SYNE3: variants seen among roughly 807,000 people sequenced by gnomAD.
The protein encoded by SYNE3 is nesprin-3.
Under a neutral mutation model 111.2 loss-of-function variants are expected in SYNE3, and 100 were observed. The observed-to-expected ratio is 0.90, with a 90% CI of 0.77 to 1.06. The LOEUF is 1.06. Ranked by LOEUF, SYNE3 falls within the 50% of genes least tolerant of loss-of-function variation. The pLI, the probability that SYNE3 is intolerant of heterozygous loss-of-function variation, is 0.00. For missense variants in SYNE3, 1,160 were observed against 1,240.3 expected, an observed-to-expected ratio of 0.94 and a Z score of 0.97; for synonymous variants, 547 against 533.9, an observed-to-expected ratio of 1.02 and a Z score of -0.34.
intron 2 of SYNE3, among the ~76,000 whole-genome samples, chr14:95,474,567 A>T (rs1888762014): frequency 6.6e-6 from 1 of 152,176 alleles, no homozygotes; most frequent in Non-Finnish European, 1.5e-5. Flanking sequence ...AGGCACAGGA[A>T]ACGGTGTGAG....
intron 2 of SYNE3, among the ~76,000 whole-genome samples, chr14:95,472,425 C>T (rs1030702083): frequency 2.0e-5 from 3 of 152,166 alleles, no homozygotes; most frequent in Admixed American, 1.3e-4. Context: ...TGGCTGGAAG[C>T]TCCTAAGACC....
At chr14:95,497,984 C>T (rs1890166500) in intron 1 of SYNE3, among the ~76,000 whole-genome samples, 1 of 150,658 alleles carries the variant, frequency 6.6e-6, no homozygotes, top group Non-Finnish European at 1.5e-5. Context: ...AGGAGCGCCA[C>T]TGCACTCCCC....
intron 1 of SYNE3, among the ~76,000 whole-genome samples, chr14:95,515,108 T>C (rs189158296): frequency 6.6e-6 from 1 of 152,308 alleles, no homozygotes; most frequent in Non-Finnish European, 1.5e-5. Flanking sequence ...CAACACATCC[T>C]CAGGCCTTCT....
intron 1 of SYNE3, among the ~76,000 whole-genome samples, chr14:95,478,788 C>T (rs531475814): frequency 1.3e-5 from 2 of 152,312 alleles, no homozygotes; most frequent in East Asian, 3.9e-4. Context: ...TTTCTTAGCT[C>T]ACTGGCTAGA....
At chr14:95,506,705 G>T (rs574447286) in intron 1 of SYNE3, among the ~76,000 whole-genome samples, 1 of 152,332 alleles carries the variant, frequency 6.6e-6, no homozygotes, top group African/African-American at 2.4e-5. Context: ...GGAATCCATT[G>T]GAACGGGCGT....
chr14:95,421,990 A>T (rs1198044535), intron 17 of SYNE3, among the ~76,000 whole-genome samples: 1 of 152,248 alleles, frequency 6.6e-6, no homozygotes, highest in South Asian at 2.1e-4. Flanking sequence ...TTTCTTCTGG[A>T]TCACTGATTA....
Position 95,455,360 on chromosome 14 carries a change from C to A in SYNE3, c.1137+17G>T. On this transcript the variant is annotated intron_variant, in intron 6 of 17. Coordinates refer to ENST00000682763, the MANE Select transcript of SYNE3 (RefSeq NM_152592.6). ...AGACAGCACCCTGGGCTCCATGACT[C>A]GGCCAAGCACGCTTACCGAGTAGCG... 1 of 1,513,098 alleles carries A rather than the reference C, an allele frequency of 6.6e-7. No homozygotes were observed. The allele number at this position is 1,513,098 out of a possible 1,614,324, so 93.7% of individuals were successfully genotyped here. A position where few individuals can be genotyped will look rare whatever the true frequency, so the allele number is the denominator to read the frequency against.
At position 95,441,352 on chromosome 14, in the gene SYNE3, C is replaced by T. The variant is rs536090684; in HGVS notation, c.1912-1277G>A. 7.9e-5 allele frequency among the ~76,000 whole-genome samples: 12 copies of T among 152,278 alleles called. No individual in the cohort carries two copies. The South Asian group carries it at 1.7e-3, about 21-fold the overall frequency. On this transcript the variant is annotated intron_variant, in intron 11 of 17. Transcript: ENST00000682763. ...CTGTCCCCTCCTGGTCCCTGTGTGC[C>T]AACATTAGACCAGACGCCTCCAAGG...
rs1566964710 is a variant in SYNE3 at position 95,444,482 on chromosome 14, C to CA, written c.1776+2dup. ...AGTGATTCAGGCCTCACAGACCCCT[C>CA]ACCTGCAACCTTGAGAGCTGGGCCT... On this transcript the variant is annotated splice_region_variant and intron_variant, in intron 10 of 17. Coordinates refer to ENST00000682763, the MANE Select transcript of SYNE3 (RefSeq NM_152592.6). The CA allele has an allele frequency of 6.2e-7, 1 of 1,607,216 alleles. No individual in the cohort carries two copies. The highest frequency in any genetic ancestry group is 1.1e-5 in the South Asian group (1 of 90,438).
rs1459704505 is a variant in SYNE3 at position 95,452,104 on chromosome 14, C to T, written c.1274+143G>A. The T allele has an allele frequency of 3.8e-6, 4 of 1,049,968 alleles. No individual in the cohort carries two copies. The East Asian group carries it at 7.7e-5, about 20-fold the overall frequency. 65.0% of individuals were successfully genotyped at this position (1,049,968 alleles called of 1,614,324 possible). A position where few individuals can be genotyped will look rare whatever the true frequency, so the allele number is the denominator to read the frequency against. ...GACAGTGTCTGAGCCAAGTGAGAACCTCTAAAAGCCAGTCATTGAGAGGTA... is the reference window on the plus strand; with the variant it reads ...GACAGTGTCTGAGCCAAGTGAGAACTTCTAAAAGCCAGTCATTGAGAGGTA... On this transcript the variant is annotated intron_variant, in intron 7 of 17. Transcript: ENST00000682763.
At chr14:95,441,442 C>G (rs1886410535) in intron 11 of SYNE3, among the ~76,000 whole-genome samples, 1 of 152,270 alleles carries the variant, frequency 6.6e-6, no homozygotes, top group Non-Finnish European at 1.5e-5. Flanking sequence ...GACACAGAGA[C>G]TGCCTCGCTG....
At chr14:95,495,920 C>T (rs1890072765) in intron 1 of SYNE3, among the ~76,000 whole-genome samples, 1 of 152,188 alleles carries the variant, frequency 6.6e-6, no homozygotes. Flanking sequence ...GGCAGCTGGG[C>T]CTGCGAAGCC....
chr14:95,430,400 G>T (rs1386717632), intron 17 of SYNE3, among the ~76,000 whole-genome samples: 1 of 152,178 alleles, frequency 6.6e-6, no homozygotes, highest in Non-Finnish European at 1.5e-5. Flanking sequence ...CATGAGAAGT[G>T]TGTTTGTTAT....
Position 95,470,982 on chromosome 14 carries a change from G to GAA in SYNE3, c.145-3017_145-3016dup, listed in dbSNP as rs145721216. On this transcript the variant is annotated intron_variant, in intron 2 of 17. Coordinates refer to ENST00000682763, the MANE Select transcript of SYNE3 (RefSeq NM_152592.6). This position sits in a 1 kb window ranked among gnomAD's most constrained non-coding sequence, Gnocchi z 4.2. ...GCAACAGAGCAACACGCCGTCTCAG[G>GAA]AAAAAAAAAAAAAGAAAGTAAGATG... 7.8e-5 allele frequency among the ~76,000 whole-genome samples: 10 copies of GAA among 128,318 alleles called. No individual in the cohort carries two copies. Among genetic ancestry groups the GAA allele is most frequent in the Non-Finnish European group, 1.4e-4 (8 of 58,534 alleles). 84.2% of individuals were successfully genotyped at this position (128,318 alleles called of 152,430 possible). A position where few individuals can be genotyped will look rare whatever the true frequency, so the allele number is the denominator to read the frequency against.
At position 95,509,848 on chromosome 14, in the gene SYNE3, G is replaced by A. The variant is rs117239193; in HGVS notation, c.-15+6748C>T. Among the ~76,000 whole-genome samples the A allele has an allele frequency of 2.4e-4, 36 of 152,324 alleles. 1 individual carries two copies. The East Asian group carries it at 5.6e-3, about 24-fold the overall frequency. On this transcript the variant is annotated intron_variant, in intron 1 of 17. Coordinates refer to ENST00000682763, the MANE Select transcript of SYNE3 (RefSeq NM_152592.6). ...TTCATTTTCATCAAGCAACCAGCCC[G>A]AGTTGCGTTACACCATGAATATCAG... is the stretch of plus-strand genomic sequence containing the variant.
rs1566671747 is a variant in SYNE3, at chr14:95,465,341, G to GTGGATGC, written c.627+589_627+590insGCATCCA. 8.6e-5 allele frequency among the ~76,000 whole-genome samples: 13 copies of GTGGATGC among 151,460 alleles called. No homozygotes were observed. The East Asian group carries it at 2.5e-3, about 29-fold the overall frequency. On this transcript the variant is annotated intron_variant, in intron 4 of 17. Transcript: ENST00000682763. ...ACTGGGTATCTGGACGGTAGATAAT[G>GTGGATGC]GTGAGTGGGTGGTGGAAGAGTTGGT...
In SYNE3 at chr14:95,414,167, ACCAGCCTGAAGCCCCCCT is replaced by A. The variant is rs1903503861; in HGVS notation, c.*3641_*3658del. The A allele has an allele frequency of 6.6e-6, 1 of 152,164 alleles. No individual in the cohort carries two copies. The highest frequency in any genetic ancestry group is 2.4e-5 in the African/African-American group (1 of 41,434). The allele number at this position is 152,164 out of a possible 1,614,324, so 9.4% of individuals were successfully genotyped here. ...GCTACAGAGACTGCAACCTGGTAGA[ACCAGCCTGAAGCCCCCCT>A]CCAGCCTGGGCTTTGGGGTCCTCAT... On this transcript the variant is annotated 3_prime_UTR_variant, in exon 18 of 18. Transcript: ENST00000682763.
In SYNE3 at chr14:95,419,270, T is replaced by C. The variant is rs1884937881; in HGVS notation, c.2728-1244A>G. Among the ~76,000 whole-genome samples the C allele has an allele frequency of 2.0e-5, 3 of 152,192 alleles. No homozygotes were observed. The South Asian group carries it at 6.2e-4, about 32-fold the overall frequency. On this transcript the variant is annotated intron_variant, in intron 17 of 17. Transcript: ENST00000682763. Reference sequence around the variant, plus strand: ...TGGGTCCCCACCCAGACTCTGTTACTCAACAGCTATGTGACCTTGGGCAAA... The same window carrying C: ...TGGGTCCCCACCCAGACTCTGTTACCCAACAGCTATGTGACCTTGGGCAAA...
chr14:95,486,412 C>T (rs544166476), intron 1 of SYNE3, among the ~76,000 whole-genome samples: 1 of 152,104 alleles, frequency 6.6e-6, no homozygotes, highest in South Asian at 2.1e-4. Context: ...TCAGAGGTGC[C>T]AGGCCTTACC....
Sources: gnomAD v4.1 joint callset for allele counts (sites outside exome capture counted in the v4.1 genomes callset) on GRCh38, gnomAD v4.1.1 for gene constraint, Gnocchi (gnomAD v3.1) non-coding constraint, MANE v1.5 for transcripts, NCBI Gene and HGNC (gene_info 2026-07-23, HGNC 2026-07-21) for gene names.